The following CSMD1 variants were observed in gnomAD, a reference collection of about 807,000 sequenced individuals.
CSMD1 encodes the protein CUB and Sushi multiple domains 1.
In CSMD1, 213 loss-of-function variants were observed where a neutral mutation model predicts 417.5. The ratio of observed to expected loss-of-function variants is 0.51; its 90% CI spans 0.46 to 0.57. The LOEUF (loss-of-function observed/expected upper bound fraction) is 0.57, where lower values mean the gene tolerates loss of function less well. Ranked by LOEUF, CSMD1 falls within the 20% of genes least tolerant of loss-of-function variation. The pLI is 0.00. For missense variants in CSMD1, 6,923 were observed against 4,529.7 expected, an observed-to-expected ratio of 1.53 and a Z score of -15.17; for synonymous variants, 2,862 against 1,736.8, an observed-to-expected ratio of 1.65 and a Z score of -16.11.
rs535168695 is a variant in CSMD1 at position 4,477,516 on chromosome 8, G to C, written c.303-57451C>G. 8.5e-5 allele frequency among the ~76,000 whole-genome samples: 13 copies of C among 152,270 alleles called. No individual in the cohort carries two copies. The East Asian group carries it at 2.5e-3, about 29-fold the overall frequency. ...AAATGCAGCATTACGTGAGTGGCCT[G>C]GCATTTTCACACGATGCTCTATGAC... On this transcript the variant is annotated intron_variant, in intron 2 of 69. Coordinates refer to ENST00000635120, the MANE Select transcript of CSMD1 (RefSeq NM_033225.6).
chr8:4,121,196 C>T (rs1330488950), intron 3 of CSMD1, among the ~76,000 whole-genome samples: 1 of 152,050 alleles, frequency 6.6e-6, no homozygotes, highest in African/African-American at 2.4e-5. Context: ...CTCACAGCAA[C>T]CTCTGCCTCT....
At chr8:4,401,257 GAT>G (rs1380804984) in intron 3 of CSMD1, among the ~76,000 whole-genome samples, 1 of 152,044 alleles carries the variant, frequency 6.6e-6, no homozygotes, top group Non-Finnish European at 1.5e-5. Flanking sequence ...TAAAATATTA[GAT>G]ATATGTCTTG....
chr8:3,674,643 C>G (rs1180624376), intron 7 of CSMD1, among the ~76,000 whole-genome samples: 1 of 152,006 alleles, frequency 6.6e-6, no homozygotes, highest in Non-Finnish European at 1.5e-5. Flanking sequence ...GATAATAAAA[C>G]TGAGTCAAAA....
intron 2 of CSMD1, among the ~76,000 whole-genome samples, chr8:4,562,169 C>T (rs1798371992): frequency 6.6e-6 from 1 of 152,082 alleles, no homozygotes. Context: ...TACAAGGAAG[C>T]ATGAGCAGTA....
chr8:3,746,752 G>A (rs1542588), intron 6 of CSMD1, among the ~76,000 whole-genome samples: 129,208 of 152,192 alleles, frequency 0.85, 54,948 homozygotes, highest in East Asian at 0.92. Context: ...CAGATACCCA[G>A]AAGCTGTTCA....
At chr8:3,301,755 G>T (rs913074430) in intron 25 of CSMD1, among the ~76,000 whole-genome samples, 1 of 152,146 alleles carries the variant, frequency 6.6e-6, no homozygotes, top group Non-Finnish European at 1.5e-5. Context: ...TAAGGAGCTG[G>T]TGCTTGTCAA....
chr8:4,006,089 G>A (rs892671117), intron 4 of CSMD1, among the ~76,000 whole-genome samples: 6 of 152,188 alleles, frequency 3.9e-5, no homozygotes, highest in Non-Finnish European at 7.3e-5. Context: ...CCCAACAGAT[G>A]CAACAGAAAG....
intron 23 of CSMD1, among the ~76,000 whole-genome samples, chr8:3,316,194 G>A (rs959215752): frequency 6.6e-6 from 1 of 152,262 alleles, no homozygotes; most frequent in Non-Finnish European, 1.5e-5. Flanking sequence ...ACTTGTACAA[G>A]GTGGTAAGAA....
At chr8:3,352,006 C>T (rs942600448) in intron 21 of CSMD1, among the ~76,000 whole-genome samples, 3 of 150,694 alleles carry the variant, frequency 2.0e-5, no homozygotes, top group East Asian at 1.9e-4. Context: ...CCTTTTTTTT[C>T]GGATTTTATG....
At chr8:4,341,751 G>A (rs1050862809) in intron 3 of CSMD1, among the ~76,000 whole-genome samples, 1 of 152,096 alleles carries the variant, frequency 6.6e-6, no homozygotes, top group Non-Finnish European at 1.5e-5. Flanking sequence ...CAGTTAGGGT[G>A]CATTAATAAT....
intron 1 of CSMD1, among the ~76,000 whole-genome samples, chr8:4,772,587 T>C (rs75573584): frequency 0.011 from 1,609 of 152,268 alleles, 13 homozygotes; most frequent in East Asian, 0.056. Flanking sequence ...AATATCAAAG[T>C]GTTTTGAATT....
intron 2 of CSMD1, among the ~76,000 whole-genome samples, chr8:4,616,238 G>GA (rs910341525): frequency 9.2e-5 from 14 of 151,870 alleles, no homozygotes; most frequent in African/African-American, 2.7e-4. Flanking sequence ...TTTGAGAATT[G>GA]AAAAAAACAA....
At chr8:3,778,820 G>A (rs1799027474) in intron 5 of CSMD1, among the ~76,000 whole-genome samples, 1 of 152,166 alleles carries the variant, frequency 6.6e-6, no homozygotes, top group African/African-American at 2.4e-5. Context: ...CCTGACTGCT[G>A]TACAAGTTTA....
intron 8 of CSMD1, among the ~76,000 whole-genome samples, chr8:3,595,159 C>T (rs1017490236): frequency 5.9e-5 from 9 of 152,148 alleles, no homozygotes; most frequent in African/African-American, 1.9e-4. Flanking sequence ...CACCGGATGG[C>T]CTCTGCTGAG....
intron 8 of CSMD1, among the ~76,000 whole-genome samples, chr8:3,593,353 G>T (rs1800945841): frequency 6.6e-6 from 1 of 152,242 alleles, no homozygotes; most frequent in African/African-American, 2.4e-5. Flanking sequence ...AGAGTCTGGA[G>T]AAGGTGGGAG....
In CSMD1 at chr8:4,251,406, G is replaced by T. The variant is rs144527424; in HGVS notation, c.415+168547C>A. ...TTTGATGTCCTCCTATAAAGTTCTT[G>T]TATTTTGAGCAATAACATGAGACAA... On this transcript the variant is annotated intron_variant, in intron 3 of 69. Coordinates refer to ENST00000635120, the MANE Select transcript of CSMD1 (RefSeq NM_033225.6). Among the ~76,000 whole-genome samples, 993 of 152,240 alleles carry T rather than the reference G, an allele frequency of 6.5e-3. 13 individuals are homozygous for T. Among genetic ancestry groups the T allele is most frequent in the African/African-American group, 0.023 (955 of 41,546 alleles).
At chr8:3,842,754 A>G (rs991575638) in intron 5 of CSMD1, among the ~76,000 whole-genome samples, 3 of 152,192 alleles carry the variant, frequency 2.0e-5, no homozygotes, top group African/African-American at 7.2e-5. Context: ...CAGAAAAAAA[A>G]AGAAGAGTTA....
At chr8:3,937,715 G>C (rs561800999) in intron 5 of CSMD1, among the ~76,000 whole-genome samples, 110 of 152,204 alleles carry the variant, frequency 7.2e-4, no homozygotes, top group African/African-American at 2.3e-3. Context: ...AGACATTATA[G>C]TTTCCACATT....
chr8:4,504,850 T>C (rs1033726283), intron 2 of CSMD1, among the ~76,000 whole-genome samples: 4 of 152,338 alleles, frequency 2.6e-5, no homozygotes, highest in African/African-American at 9.6e-5. Context: ...CCATGATATA[T>C]ATGTGCCATA....
Sources: allele counts gnomAD v4.1 joint callset (sites outside exome capture counted in the v4.1 genomes callset), GRCh38; gene constraint gnomAD v4.1.1; transcripts MANE v1.5; gene names NCBI Gene and HGNC (gene_info 2026-07-23, HGNC 2026-07-21).